PHF21A: variants seen among roughly 807,000 people sequenced by gnomAD.
PHF21A encodes PHD finger protein 21A, also known as BHC80a.
PHF21A carries 11 observed loss-of-function variants against 82.5 expected under a neutral mutation model. The observed-to-expected ratio is 0.13, with a 90% confidence interval of 0.08 to 0.22. The LOEUF (loss-of-function observed/expected upper bound fraction) is 0.22. Ranked by LOEUF, PHF21A falls within the 10% of genes least tolerant of loss-of-function variation. The probability of loss-of-function intolerance (pLI) is 1.00; values close to 1 mark genes in which losing one functional copy is unlikely to be tolerated. For synonymous variants in PHF21A, 297 were observed against 302.8 expected (o/e 0.98, Z 0.20); for missense variants, 579 against 837.8 (o/e 0.69, Z 3.81).
intron 6 of PHF21A, among the ~76,000 whole-genome samples, chr11:46,000,519 C>A (rs61882509): frequency 3.3e-5 from 5 of 152,096 alleles, no homozygotes; most frequent in Non-Finnish European, 7.4e-5. Context: ...GACTCTATAA[C>A]GTTTTTCTTT....
intron 15 of PHF21A, 122 bp downstream of exon 15, chr11:45,945,718 G>C: frequency 1.3e-6 from 1 of 776,260 alleles, no homozygotes; most frequent in Non-Finnish European, 2.0e-6. Flanking sequence ...GCATTCTATA[G>C]TGTTTAATTG....
At chr11:46,093,897 AG>A (rs1407569300) in intron 1 of PHF21A, among the ~76,000 whole-genome samples, 1 of 152,228 alleles carries the variant, frequency 6.6e-6, no homozygotes, top group Non-Finnish European at 1.5e-5. Context: ...GTTGTTGATT[AG>A]GAAGTAAAAT....
chr11:46,040,890 G>GACAC (rs35673374), intron 6 of PHF21A, among the ~76,000 whole-genome samples: 6,629 of 137,244 alleles, frequency 0.048, 200 homozygotes, highest in Middle Eastern at 0.12. Context: ...CTGACAGGAA[G>GACAC]ACACACACAC....
chr11:46,085,696 C>A (rs2096848802), intron 3 of PHF21A, among the ~76,000 whole-genome samples: 2 of 152,212 alleles, frequency 1.3e-5, no homozygotes, highest in Admixed American at 6.5e-5. Context: ...GATTCATGAT[C>A]TTCATATTTC....
intron 1 of PHF21A, among the ~76,000 whole-genome samples, chr11:46,097,750 T>C (rs2097021973): frequency 6.6e-6 from 1 of 152,122 alleles, no homozygotes; most frequent in Admixed American, 6.6e-5. Context: ...GTTTATCCTC[T>C]TTCTCATTCA....
chr11:46,088,059 A>C (rs2096877383), intron 3 of PHF21A, among the ~76,000 whole-genome samples: 1 of 152,164 alleles, frequency 6.6e-6, no homozygotes. Context: ...ACCCAGCTGA[A>C]AAAATATTTT....
intron 7 of PHF21A, among the ~76,000 whole-genome samples, chr11:45,977,136 A>AT (rs1232628402): frequency 0.03 from 3,808 of 128,052 alleles, 88 homozygotes; most frequent in African/African-American, 0.057. Context: ...GCTTCCTTTG[A>AT]TTTTTTTTTT....
chr11:45,933,863 AAAG>A lies in PHF21A; in HGVS notation c.*102_*104del. On this transcript the variant is annotated 3_prime_UTR_variant, in exon 19 of 19. Transcript: ENST00000676320. ...CTCTCTCTCTGGAACCAAAGAACCA[AAAG>A]AATTCTGCACTTTCCAGAAATCCGG... 8.4e-7 allele frequency: 1 copy of A among 1,193,222 alleles called. No individual in the cohort carries two copies. Among genetic ancestry groups the A allele is most frequent in the East Asian group, 2.6e-5 (1 of 38,802 alleles). The allele number at this position is 1,193,222 out of a possible 1,614,324, so 73.9% of individuals were successfully genotyped here.
intron 6 of PHF21A, among the ~76,000 whole-genome samples, chr11:46,006,709 G>C (rs1204437627): frequency 6.6e-6 from 1 of 152,136 alleles, no homozygotes; most frequent in Non-Finnish European, 1.5e-5. Flanking sequence ...TATTTAAAAA[G>C]ATACACTTGT....
intron 17 of PHF21A, 110 bp downstream of exon 17, chr11:45,936,383 AG>A (rs2089052465): frequency 1.4e-6 from 1 of 693,932 alleles, no homozygotes; most frequent in African/African-American, 1.8e-5. Context: ...TAAGGGCAAA[AG>A]GTTTTCATTT....
chr11:46,038,992 G>A (rs1225610964), intron 6 of PHF21A, among the ~76,000 whole-genome samples: 2 of 152,106 alleles, frequency 1.3e-5, no homozygotes, highest in Non-Finnish European at 2.9e-5. Context: ...GACCTAAGGT[G>A]GGCACAAGTT....
intron 6 of PHF21A, among the ~76,000 whole-genome samples, chr11:45,999,773 A>T (rs1315966770): frequency 6.6e-6 from 1 of 152,224 alleles, no homozygotes; most frequent in Non-Finnish European, 1.5e-5. Context: ...TGATACCTAC[A>T]TGAGAATTTA....
intron 6 of PHF21A, among the ~76,000 whole-genome samples, chr11:46,067,453 T>C (rs2096607579): frequency 6.6e-6 from 1 of 152,210 alleles, no homozygotes; most frequent in African/African-American, 2.4e-5. Context: ...ACTCATTTAC[T>C]AGTTTATACA....
chr11:46,021,233 T>C, intron 6 of PHF21A, among the ~76,000 whole-genome samples: 1 of 152,058 alleles, frequency 6.6e-6, no homozygotes, highest in Non-Finnish European at 1.5e-5. Flanking sequence ...CTAATTTTTT[T>C]TATTTTTTGT....
Position 46,028,570 on chromosome 11 carries a change from CCTTTT to C in PHF21A, c.153+48179_153+48183del, listed in dbSNP as rs1303247240. Among the ~76,000 whole-genome samples, 4 of 136,286 alleles carry C rather than the reference CCTTTT, an allele frequency of 2.9e-5. No homozygotes were observed. In the East Asian group the frequency reaches 1.0e-3, roughly 36 times the overall value. The allele number at this position is 136,286 out of a possible 152,430, so 89.4% of individuals were successfully genotyped here. The stretch of plus-strand genomic sequence containing the variant: ...TATTACTTTATACTTTAAAAGCTTG[CCTTTT>C]TTTTTTTTTTTTTTTTGAGACAGAG... On this transcript the variant is annotated intron_variant, in intron 6 of 18. Transcript: ENST00000676320.
intron 6 of PHF21A, among the ~76,000 whole-genome samples, chr11:46,062,808 A>T (rs2096551703): frequency 6.6e-6 from 1 of 152,224 alleles, no homozygotes; most frequent in Admixed American, 6.5e-5. Context: ...ACCCAGACAT[A>T]CTAAGGCATT....
intron 16 of PHF21A, chr11:45,936,886 C>T (rs778204462): frequency 3.3e-5 from 8 of 243,066 alleles, no homozygotes; most frequent in Admixed American, 5.2e-5. Flanking sequence ...GAACCACCAA[C>T]ACAAAAGCTG....
At chr11:46,011,851 GCAACA>G (rs769770389) in intron 6 of PHF21A, among the ~76,000 whole-genome samples, 6 of 152,166 alleles carry the variant, frequency 3.9e-5, no homozygotes, top group Admixed American at 6.5e-5. Flanking sequence ...TTCTCTCTAT[GCAACA>G]CAACAAAACA....
intron 18 of PHF21A, chr11:45,935,203 A>C (rs2088600305): frequency 5.4e-6 from 7 of 1,291,286 alleles, no homozygotes; most frequent in Non-Finnish European, 6.1e-6. Context: ...TGTGGAAGAA[A>C]GAGCGAGGGA....
Sources: allele counts gnomAD v4.1 joint callset (sites outside exome capture counted in the v4.1 genomes callset), GRCh38; gene constraint gnomAD v4.1.1; transcripts MANE v1.5; gene names NCBI Gene and HGNC (gene_info 2026-07-23, HGNC 2026-07-21).